Variants in WFDC5 observed in about 807,000 individuals in gnomAD.
The protein encoded by WFDC5 is WAP four-disulfide core domain 5.
A neutral mutation model predicts 15.7 loss-of-function variants in WFDC5; 15 were observed. That is an observed-to-expected ratio of 0.96 (90% confidence interval 0.64 to 1.47). WFDC5 has a LOEUF of 1.47. Ranked by LOEUF, WFDC5 falls within the 40% of genes most tolerant of loss-of-function variation. The pLI, the probability that WFDC5 is intolerant of heterozygous loss-of-function variation, is 0.00. For synonymous variants in WFDC5, 109 were observed against 107.7 expected (o/e 1.01, Z -0.07); for missense variants, 280 against 258.0 (o/e 1.09, Z -0.59).
Position 45,115,032 on chromosome 20 carries a change from G to A in WFDC5, c.52C>T (p.Gln18Ter). The A allele has an allele frequency of 6.2e-7, 1 of 1,613,676 alleles. No homozygotes were observed. The highest frequency in any genetic ancestry group is 8.5e-7 in the Non-Finnish European group (1 of 1,179,888). ...TTCCTGCCAAAGACAGCAGGCAGCT[G>A]ACTCCCCACAGCCAGGAGGGCCCCC... The change falls in exon 1 of 4, where the codon CAG becomes TAG. Residue 18 changes from glutamine to a stop codon, truncating the protein, a stop_gained. Coordinates refer to ENST00000307971, the Ensembl canonical transcript of WFDC5. LOFTEE classifies it high-confidence loss of function.
At chr20:45,114,973 C>G (rs375548805) in intron 1 of WFDC5, 26 bp downstream of exon 1, 53 of 1,610,704 alleles carry the variant, frequency 3.3e-5, no homozygotes, top group Non-Finnish European at 4.2e-5. Flanking sequence ...TCTGGTCCCC[C>G]CAGCAGAGGG....
intron 1 of WFDC5, among the ~76,000 whole-genome samples, chr20:45,111,129 GCT>G (rs1052475642): frequency 1.3e-5 from 2 of 152,174 alleles, no homozygotes; most frequent in Admixed American, 1.3e-4. Flanking sequence ...CTCCAAGCCA[GCT>G]CTCTCTGCAG....
intron 1 of WFDC5, 114 bp downstream of exon 1, chr20:45,114,885 A>ACG: frequency 9.4e-7 from 1 of 1,060,814 alleles, no homozygotes; most frequent in Non-Finnish European, 1.4e-6. Context: ...GCACGCACAC[A>ACG]CACACGCGCA....
exon 2 of WFDC5, chr20:45,110,706 T>A: frequency 8.1e-6 from 13 of 1,614,162 alleles, no homozygotes; most frequent in Non-Finnish European, 1.1e-5. Flanking sequence ...ACACTGGCTG[T>A]CTTCCACGCA....
At chr20:45,109,987 A>G (rs771932429) in exon 4 of WFDC5, 26 of 1,614,038 alleles carry the variant, frequency 1.6e-5, no homozygotes, top group Non-Finnish European at 1.9e-5. Context: ...TTAGGTGCAG[A>G]GCCACAGATC....
upstream of WFDC5, among the ~76,000 whole-genome samples, chr20:45,115,349 G>C (rs1344292303): frequency 6.6e-6 from 1 of 152,134 alleles, no homozygotes; most frequent in African/African-American, 2.4e-5. Flanking sequence ...TGTGATCTTG[G>C]GCAAGTCTTG....
At chr20:45,112,913 A>G (rs1360311643) in intron 1 of WFDC5, among the ~76,000 whole-genome samples, 1 of 152,216 alleles carries the variant, frequency 6.6e-6, no homozygotes, top group Non-Finnish European at 1.5e-5. Flanking sequence ...ATGAGCTGGA[A>G]CATAATCACT....
exon 2 of WFDC5, chr20:45,110,635 C>T: frequency 6.2e-7 from 1 of 1,614,042 alleles, no homozygotes; most frequent in South Asian, 1.1e-5. Context: ...AGGCATTTAC[C>T]AGAGACCCTG....
exon 4 of WFDC5, chr20:45,109,748 G>A (rs1042288233): frequency 7.0e-6 from 5 of 718,934 alleles, no homozygotes; most frequent in South Asian, 5.9e-5. Flanking sequence ...AGGGTGGGAA[G>A]CTCGTATGGC....
Position 45,111,299 on chromosome 20 carries a change from C to G in WFDC5, c.86-524G>C, listed in dbSNP as rs1448439646. Among the ~76,000 whole-genome samples the G allele has an allele frequency of 7.4e-5, 11 of 148,504 alleles. No individual in the cohort carries two copies. The South Asian group carries it at 1.3e-3, about 17-fold the overall frequency. On this transcript the variant is annotated intron_variant, in intron 1 of 3. Coordinates refer to ENST00000307971, the Ensembl canonical transcript of WFDC5. ...GTCAGCGCCCCCCCACCCCGGCCCC[C>G]ACACACACACTCATTTCTTTCCTCC...
exon 2 of WFDC5, chr20:45,110,641 C>T (rs1334194590): frequency 1.9e-6 from 3 of 1,613,920 alleles, no homozygotes; most frequent in African/African-American, 1.3e-5. Context: ...TTACCAGAGA[C>T]CCTGGGGACA....
chr20:45,110,063 G>A, intron 3 of WFDC5, 50 bp from the exon 4 acceptor site: 2 of 1,588,802 alleles, frequency 1.3e-6, no homozygotes, highest in Non-Finnish European at 8.6e-7. Flanking sequence ...TAGGGCTCTG[G>A]TTTCTGGCCT....
intron 1 of WFDC5, 28 bp from the exon 2 acceptor site, chr20:45,110,803 C>A: frequency 6.2e-7 from 1 of 1,612,398 alleles, no homozygotes; most frequent in South Asian, 1.1e-5. Flanking sequence ...AATATTGCAG[C>A]TGGAGGAAGC....
chr20:45,111,561 C>T (rs1024200966), intron 1 of WFDC5, among the ~76,000 whole-genome samples: 3 of 152,214 alleles, frequency 2.0e-5, no homozygotes, highest in South Asian at 2.1e-4. Context: ...TCTTCTGCAC[C>T]GTTGCGTTCA....
At chr20:45,112,535 G>T (rs1019932662) in intron 1 of WFDC5, among the ~76,000 whole-genome samples, 3 of 152,192 alleles carry the variant, frequency 2.0e-5, no homozygotes, top group Non-Finnish European at 4.4e-5. Context: ...TCCAAACCAG[G>T]TTCTCCACTC....
exon 4 of WFDC5, chr20:45,109,851 G>T: frequency 9.5e-7 from 1 of 1,054,830 alleles, no homozygotes; most frequent in Non-Finnish European, 1.5e-6. Context: ...GGGTGGATGG[G>T]TTGCAGGGAA....
chr20:45,111,282 C>T (rs1981611468), intron 1 of WFDC5, among the ~76,000 whole-genome samples: 1 of 112,006 alleles, frequency 8.9e-6, no homozygotes, highest in African/African-American at 3.6e-5. Context: ...AGGTCAGCGC[C>T]CCCCCACCCC....
exon 2 of WFDC5, chr20:45,110,687 G>T (rs1981590935): frequency 1.2e-6 from 2 of 1,613,992 alleles, no homozygotes; most frequent in African/African-American, 2.7e-5. Flanking sequence ...AGCACTTCCT[G>T]GTCAAGGGAC....
rs773291653 is a variant in WFDC5 at position 45,109,766 on chromosome 20, C to T, written c.641G>A (p.Cys214Tyr). 8.3e-6 allele frequency: 6 copies of T among 720,304 alleles called. No individual in the cohort carries two copies. In the South Asian group the frequency reaches 8.9e-5, roughly 11 times the overall value. 44.6% of individuals were successfully genotyped at this position (720,304 alleles called of 1,614,324 possible). Residue 214 changes from cysteine to tyrosine, a missense_variant, in exon 4 of 4, where the codon TGC (cysteine) becomes TAC (tyrosine). Physicochemically the swap from Cys to Tyr is radical, Grantham distance 194. Transcript: ENST00000307971. Reference sequence around the variant, plus strand: ...GTGGGAAGCTCGTATGGCAGTGGTGCAGAGTACTGGGGTGATACAGAGGCC... The same window carrying T: ...GTGGGAAGCTCGTATGGCAGTGGTGTAGAGTACTGGGGTGATACAGAGGCC...
Sources: allele counts gnomAD v4.1 joint callset (sites outside exome capture counted in the v4.1 genomes callset), GRCh38; gene constraint gnomAD v4.1.1; transcripts MANE v1.5; gene names NCBI Gene and HGNC (gene_info 2026-07-23, HGNC 2026-07-21).